The following ADAMTSL1 variants were observed in gnomAD, a reference collection of about 807,000 sequenced individuals.
The protein encoded by ADAMTSL1 is ADAMTS-like protein 1.
Under a neutral mutation model 201.8 loss-of-function variants are expected in ADAMTSL1, and 126 were observed. The observed-to-expected ratio is 0.62, with a 90% CI of 0.54 to 0.72. ADAMTSL1 has a LOEUF of 0.72. ADAMTSL1 is among the 30% of genes least tolerant of loss of function. The pLI is 0.00. For synonymous variants in ADAMTSL1, 1,121 were observed against 903.4 expected (o/e 1.24, Z -4.32); for missense variants, 2,679 against 2,277.8 (o/e 1.18, Z -3.59).
At chr9:18,215,446 G>A (rs1354276132) in intron 2 of ADAMTSL1, among the ~76,000 whole-genome samples, 1 of 152,044 alleles carries the variant, frequency 6.6e-6, no homozygotes, top group Non-Finnish European at 1.5e-5. Context: ...ATATTTATGA[G>A]TTATATATGT....
At chr9:18,886,334 T>C (rs1049974116) in intron 23 of ADAMTSL1, among the ~76,000 whole-genome samples, 2 of 151,502 alleles carry the variant, frequency 1.3e-5, no homozygotes, top group Middle Eastern at 3.4e-3. Flanking sequence ...TGCTGTGAGC[T>C]ACGATTGCAC....
At chr9:18,701,592 A>T (rs1241397759) in intron 13 of ADAMTSL1, among the ~76,000 whole-genome samples, 1 of 152,154 alleles carries the variant, frequency 6.6e-6, no homozygotes, top group African/African-American at 2.4e-5. Flanking sequence ...TCATGCCACC[A>T]CTCACATACA....
intron 2 of ADAMTSL1, among the ~76,000 whole-genome samples, chr9:18,175,977 A>G (rs1266538122): frequency 1.5e-5 from 2 of 137,516 alleles, no homozygotes; most frequent in Non-Finnish European, 3.1e-5. Context: ...AGAGGGTAGG[A>G]TTTAGGGAAG....
chr9:18,140,755 C>T (rs543944777), intron 1 of ADAMTSL1, among the ~76,000 whole-genome samples: 1 of 152,278 alleles, frequency 6.6e-6, no homozygotes, highest in Admixed American at 6.5e-5. Flanking sequence ...AGTGAGCAGG[C>T]CTTTCAAAGG....
chr9:18,488,629 T>C (rs1822114821), intron 1 of ADAMTSL1, among the ~76,000 whole-genome samples: 1 of 152,156 alleles, frequency 6.6e-6, no homozygotes, highest in Non-Finnish European at 1.5e-5. Context: ...CAAAGGATCA[T>C]TGTGAAGTTT....
chr9:18,173,298 A>G (rs371734289), intron 2 of ADAMTSL1, among the ~76,000 whole-genome samples: 2 of 152,108 alleles, frequency 1.3e-5, no homozygotes, highest in South Asian at 2.1e-4. Flanking sequence ...CCAAGATTTA[A>G]TATATTTTTG....
intron 3 of ADAMTSL1, among the ~76,000 whole-genome samples, chr9:18,570,691 C>T (rs1289373296): frequency 6.6e-6 from 1 of 152,132 alleles, no homozygotes; most frequent in Non-Finnish European, 1.5e-5. Context: ...TTGCCAAGTA[C>T]AAATAAACTC....
At chr9:18,876,272 T>C (rs954317373) in intron 23 of ADAMTSL1, among the ~76,000 whole-genome samples, 2 of 149,902 alleles carry the variant, frequency 1.3e-5, no homozygotes, top group African/African-American at 4.9e-5. Flanking sequence ...GGTACTATTC[T>C]ATTTATTGTG....
At chr9:18,678,041 A>G (rs554163262) in intron 10 of ADAMTSL1, among the ~76,000 whole-genome samples, 5 of 152,210 alleles carry the variant, frequency 3.3e-5, no homozygotes, top group South Asian at 4.1e-4. Context: ...CACAATTAAC[A>G]TATTTTTACC....
intron 2 of ADAMTSL1, among the ~76,000 whole-genome samples, chr9:18,374,275 A>T (rs538914803): frequency 2.0e-5 from 3 of 152,118 alleles, no homozygotes; most frequent in Non-Finnish European, 2.9e-5. Flanking sequence ...CTGACTTACC[A>T]ATAGGGGACT....
chr9:18,519,818 A>G (rs1818577160), intron 2 of ADAMTSL1, among the ~76,000 whole-genome samples: 1 of 152,212 alleles, frequency 6.6e-6, no homozygotes, highest in Non-Finnish European at 1.5e-5. Context: ...TTTGAGCAGT[A>G]TGTTCAGAGC....
chr9:18,749,357 A>AC lies in ADAMTSL1; in HGVS notation c.2007-3938dup, dbSNP rs1349761369. Among the ~76,000 whole-genome samples the AC allele has an allele frequency of 6.6e-5, 10 of 152,208 alleles. No homozygotes were observed. The South Asian group carries it at 1.7e-3, about 25-fold the overall frequency. ...TGGGACCATACAGTAAGAGAATTTT[A>AC]CCCAGTTGAGGGTTTCCTCTCTGAA... is the stretch of plus-strand genomic sequence containing the variant. On this transcript the variant is annotated intron_variant, in intron 15 of 28. Coordinates refer to ENST00000380548, the MANE Select transcript of ADAMTSL1 (RefSeq NM_001040272.6).
chr9:18,075,822 G>C (rs2131749695), intron 1 of ADAMTSL1, among the ~76,000 whole-genome samples: 1 of 152,296 alleles, frequency 6.6e-6, no homozygotes, highest in South Asian at 2.1e-4. Flanking sequence ...ATACAGGGAA[G>C]TTCCTGCTGT....
chr9:17,998,023 C>G (rs1819454066), intron 1 of ADAMTSL1, among the ~76,000 whole-genome samples: 1 of 151,966 alleles, frequency 6.6e-6, no homozygotes, highest in Non-Finnish European at 1.5e-5. Flanking sequence ...TATGATCACT[C>G]TCCGTTAATA....
intron 2 of ADAMTSL1, among the ~76,000 whole-genome samples, chr9:18,340,791 C>A (rs1216822631): frequency 7.9e-5 from 12 of 152,154 alleles, no homozygotes; most frequent in Non-Finnish European, 1.8e-4. Context: ...TTGTCTTCCA[C>A]CATGATTGTG....
At chr9:18,447,100 G>C (rs1820221159) in intron 2 of ADAMTSL1, among the ~76,000 whole-genome samples, 1 of 152,250 alleles carries the variant, frequency 6.6e-6, no homozygotes, top group South Asian at 2.1e-4. Flanking sequence ...TGGTAGCAGA[G>C]AGTGTTTTGA....
At chr9:18,672,579 C>T (rs528159306) in intron 9 of ADAMTSL1, among the ~76,000 whole-genome samples, 1 of 152,070 alleles carries the variant, frequency 6.6e-6, no homozygotes, top group Non-Finnish European at 1.5e-5. Context: ...TATGAAAATG[C>T]ATAGATATGT....
intron 1 of ADAMTSL1, among the ~76,000 whole-genome samples, chr9:17,934,134 T>A (rs189823009): frequency 6.6e-6 from 1 of 152,314 alleles, no homozygotes; most frequent in African/African-American, 2.4e-5. Context: ...ACTATCACCA[T>A]TGAAACTAAT....
intron 1 of ADAMTSL1, among the ~76,000 whole-genome samples, chr9:18,085,636 G>GTA (rs966784401): frequency 5.4e-5 from 8 of 148,730 alleles, no homozygotes; most frequent in South Asian, 2.2e-4. Context: ...CACTGTGTGT[G>GTA]TATATATATA....
Sources: allele counts gnomAD v4.1 joint callset (sites outside exome capture counted in the v4.1 genomes callset), GRCh38; gene constraint gnomAD v4.1.1; transcripts MANE v1.5; gene names NCBI Gene and HGNC (gene_info 2026-07-23, HGNC 2026-07-21).